Variants in TRPM3 observed in about 807,000 individuals in gnomAD.
The protein encoded by TRPM3 is transient receptor potential cation channel subfamily M member 3, also known as long transient receptor potential channel 3.
TRPM3 carries 77 observed loss-of-function variants against 181.2 expected under a neutral mutation model. The ratio of observed to expected loss-of-function variants is 0.42; its 90% confidence interval spans 0.35 to 0.51. The LOEUF is 0.51. TRPM3 is among the 20% of genes least tolerant of loss of function. The pLI, the probability that TRPM3 is intolerant of heterozygous loss-of-function variation, is 0.01. For synonymous variants in TRPM3, 745 were observed against 796.4 expected (o/e 0.94, Z 1.09); for missense variants, 1,759 against 2,196.7 (o/e 0.80, Z 3.98).
At chr9:70,567,963 A>T (rs767922269) in intron 22 of TRPM3, among the ~76,000 whole-genome samples, 44 of 152,196 alleles carry the variant, frequency 2.9e-4, no homozygotes, top group Non-Finnish European at 4.9e-4. Flanking sequence ...GAGAGAGATG[A>T]GAGAGAAAAA....
rs116241747 is a variant in TRPM3, at chr9:71,114,999, A to G, written c.177+6179T>C. On this transcript the variant is annotated intron_variant, in intron 1 of 25. Coordinates refer to ENST00000677713, the MANE Select transcript of TRPM3 (RefSeq NM_001366145.2). ...GAAATAGGGAAAAACACTTCTTCAG[A>G]TTCTATCATCTAGAACTCAGAGCAG... Among the ~76,000 whole-genome samples the G allele has an allele frequency of 3.1e-3, 468 of 152,336 alleles. 2 individuals carry two copies. The highest frequency in any genetic ancestry group is 0.011 in the African/African-American group (451 of 41,576).
chr9:71,146,660 C>T (rs1223045349), intron 1 of TRPM3, among the ~76,000 whole-genome samples: 1 of 152,126 alleles, frequency 6.6e-6, no homozygotes, highest in Non-Finnish European at 1.5e-5. Flanking sequence ...AGGTTGGTAA[C>T]ACTCAGCACC....
intron 1 of TRPM3, among the ~76,000 whole-genome samples, chr9:71,218,967 G>A (rs952332410): frequency 6.6e-6 from 1 of 152,134 alleles, no homozygotes; most frequent in Non-Finnish European, 1.5e-5. Context: ...TATAATTTAG[G>A]AGCACAAAAG....
rs1437171718 is a variant in TRPM3 at position 71,012,965 on chromosome 9, A to C, written c.177+108213T>G. On this transcript the variant is annotated intron_variant, in intron 1 of 25. Transcript: ENST00000677713. ...CCATTCTTGCCTTGTTCCCAATCTTAATGTGAATACTTTGTGTTTCTTCAC... is the reference window on the plus strand; with the variant it reads ...CCATTCTTGCCTTGTTCCCAATCTTCATGTGAATACTTTGTGTTTCTTCAC... Among the ~76,000 whole-genome samples the C allele has an allele frequency of 1.8e-4, 27 of 152,094 alleles. 1 individual carries two copies. The highest frequency in any genetic ancestry group is 1.8e-3 in the Admixed American group (27 of 15,268).
chr9:70,861,005 C>G (rs1243421863), intron 3 of TRPM3, among the ~76,000 whole-genome samples: 1 of 152,094 alleles, frequency 6.6e-6, no homozygotes, highest in Admixed American at 6.6e-5. Flanking sequence ...CTTGTGTTAT[C>G]TAAATCCACA....
intron 3 of TRPM3, among the ~76,000 whole-genome samples, chr9:70,851,953 A>C (rs935777322): frequency 6.6e-6 from 1 of 151,780 alleles, no homozygotes; most frequent in African/African-American, 2.4e-5. Context: ...CCCCATCTCT[A>C]CTAAAAATAC....
In TRPM3 at chr9:70,902,275, A is replaced by G. The variant is rs535231670; in HGVS notation, c.178-37764T>C. On this transcript the variant is annotated intron_variant, in intron 1 of 25. Transcript: ENST00000677713. ...CAAAGTCAGTCATGGCTCCAGCCCC[A>G]GTTGGGGCATGCCCCTTTATGTATT... 2.2e-3 allele frequency among the ~76,000 whole-genome samples: 332 copies of G among 152,338 alleles called. 2 individuals carry two copies. The highest frequency in any genetic ancestry group is 7.7e-3 in the African/African-American group (320 of 41,580).
chr9:71,302,263 A>C (rs992567739), intron 1 of TRPM3, among the ~76,000 whole-genome samples: 3 of 152,180 alleles, frequency 2.0e-5, no homozygotes, highest in African/African-American at 7.2e-5. Context: ...AATCATAGAA[A>C]TTTGCTGATA....
intron 22 of TRPM3, among the ~76,000 whole-genome samples, chr9:70,558,863 G>A (rs1261469033): frequency 6.6e-6 from 1 of 152,138 alleles, no homozygotes; most frequent in Admixed American, 6.5e-5. Flanking sequence ...TTACTTATGG[G>A]GGTCACATTG....
intron 9 of TRPM3, among the ~76,000 whole-genome samples, chr9:70,649,916 A>G (rs2059392595): frequency 6.6e-6 from 1 of 152,198 alleles, no homozygotes; most frequent in African/African-American, 2.4e-5. Context: ...AACCCTGCCC[A>G]TTAATGGTGA....
chr9:70,917,153 T>C, intron 1 of TRPM3: 3 of 1,605,930 alleles, frequency 1.9e-6, no homozygotes, highest in Non-Finnish European at 2.6e-6. Flanking sequence ...ATCTGGGGCA[T>C]ACTGGTCCAG....
upstream of TRPM3, among the ~76,000 whole-genome samples, chr9:71,125,554 C>T (rs2073979202): frequency 6.6e-6 from 1 of 152,094 alleles, no homozygotes; most frequent in Non-Finnish European, 1.5e-5. Context: ...GCATAGTATT[C>T]CATGGTGTAT....
chr9:70,926,289 C>T (rs1419953548), intron 1 of TRPM3, among the ~76,000 whole-genome samples: 1 of 152,022 alleles, frequency 6.6e-6, no homozygotes, highest in Admixed American at 6.6e-5. Flanking sequence ...TTGGAATAAG[C>T]AATATTTTTA....
intron 1 of TRPM3, among the ~76,000 whole-genome samples, chr9:71,111,472 A>T (rs1271679203): frequency 6.6e-6 from 1 of 152,168 alleles, no homozygotes; most frequent in Admixed American, 6.5e-5. Context: ...TGGGGATGGC[A>T]TCGCGGGGGT....
At chr9:70,915,453 A>G (rs1589747000) in intron 1 of TRPM3, among the ~76,000 whole-genome samples, 1 of 148,486 alleles carries the variant, frequency 6.7e-6, no homozygotes, top group South Asian at 2.1e-4. Context: ...GCCCACCACC[A>G]TGCCCGGCTA....
intron 7 of TRPM3, among the ~76,000 whole-genome samples, chr9:70,770,083 C>T (rs2079927390): frequency 6.6e-6 from 1 of 150,476 alleles, no homozygotes; most frequent in Non-Finnish European, 1.5e-5. Context: ...CTATCTTTAT[C>T]TTTCTCTTGT....
chr9:70,979,826 T>TC (rs1208801941), intron 1 of TRPM3, among the ~76,000 whole-genome samples: 10 of 152,138 alleles, frequency 6.6e-5, no homozygotes, highest in African/African-American at 1.9e-4. Flanking sequence ...GGGGCTTCTC[T>TC]CCTTTGGCTT....
chr9:70,757,549 G>C (rs573056126), intron 8 of TRPM3, among the ~76,000 whole-genome samples: 2 of 152,256 alleles, frequency 1.3e-5, no homozygotes, highest in African/African-American at 2.4e-5. Flanking sequence ...GAAAATTTCA[G>C]GCCAATATCC....
chr9:70,822,819 A>T (rs966267717), intron 6 of TRPM3, among the ~76,000 whole-genome samples: 3 of 147,380 alleles, frequency 2.0e-5, no homozygotes, highest in African/African-American at 7.7e-5. Context: ...GTCCCCTGGT[A>T]TTTGGGTCTG....
Sources: gnomAD v4.1 joint callset for allele counts (sites outside exome capture counted in the v4.1 genomes callset) on GRCh38, gnomAD v4.1.1 for gene constraint, MANE v1.5 for transcripts, NCBI Gene and HGNC (gene_info 2026-07-23, HGNC 2026-07-21) for gene names.